The following ATG5 variants were observed in gnomAD, a reference collection of about 807,000 sequenced individuals.
ATG5 encodes autophagy protein 5.
In ATG5, 14 loss-of-function variants were observed where a neutral mutation model predicts 36.5. That is an observed-to-expected ratio of 0.38 (90% CI 0.25 to 0.60). ATG5 has a LOEUF of 0.60. Ranked by LOEUF, ATG5 falls within the 20% of genes least tolerant of loss-of-function variation. The probability of loss-of-function intolerance (pLI) is 0.60; values close to 1 mark genes in which losing one functional copy is unlikely to be tolerated. For synonymous variants in ATG5, 95 were observed against 101.5 expected, an observed-to-expected ratio of 0.94 and a Z score of 0.38; for missense variants, 195 against 326.7, an observed-to-expected ratio of 0.60 and a Z score of 3.11.
intron 4 of ATG5, among the ~76,000 whole-genome samples, chr6:106,292,654 T>G (rs546811256): frequency 1.3e-5 from 2 of 152,318 alleles, no homozygotes; most frequent in East Asian, 3.9e-4. Flanking sequence ...AACTTTAAAT[T>G]TTATTTTTTA....
intron 6 of ATG5, among the ~76,000 whole-genome samples, chr6:106,231,058 G>A (rs1299204950): frequency 1.3e-5 from 2 of 151,838 alleles, no homozygotes; most frequent in African/African-American, 4.8e-5. Context: ...TCCAAAAGGA[G>A]ATAGACAAAG....
chr6:106,193,364 T>G (rs1178825946), intron 7 of ATG5, among the ~76,000 whole-genome samples: 1 of 152,216 alleles, frequency 6.6e-6, no homozygotes, highest in African/African-American at 2.4e-5. Flanking sequence ...ATCTTTATTA[T>G]ATTTTCAGAG....
intron 4 of ATG5, among the ~76,000 whole-genome samples, chr6:106,284,534 T>C (rs78006713): frequency 0.025 from 3,750 of 151,564 alleles, 64 homozygotes; most frequent in African/African-American, 0.05. Context: ...AATATTATTT[T>C]AGTAGAGATG....
chr6:106,321,968 A>C (rs1429187495), intron 1 of ATG5, among the ~76,000 whole-genome samples: 7 of 152,062 alleles, frequency 4.6e-5, no homozygotes, highest in Non-Finnish European at 8.8e-5. Context: ...TTTCTCCCTA[A>C]ACTCCTCTCC....
chr6:106,199,469 T>C (rs990231024), intron 7 of ATG5, among the ~76,000 whole-genome samples: 1 of 152,188 alleles, frequency 6.6e-6, no homozygotes, highest in Non-Finnish European at 1.5e-5. Context: ...CACAAGACTA[T>C]ATGCTGTATG....
At chr6:106,208,049 G>A (rs909947726) in intron 6 of ATG5, among the ~76,000 whole-genome samples, 29 of 152,178 alleles carry the variant, frequency 1.9e-4, no homozygotes, top group Non-Finnish European at 2.1e-4. Context: ...CCGAAATCGC[G>A]CCACTGCACT....
chr6:106,193,114 C>T (rs1483924757), intron 7 of ATG5, among the ~76,000 whole-genome samples: 1 of 152,166 alleles, frequency 6.6e-6, no homozygotes, highest in African/African-American at 2.4e-5. Flanking sequence ...CTTAAGAGCA[C>T]ACTACATGAT....
At chr6:106,201,378 T>C (rs1776424251) in intron 7 of ATG5, among the ~76,000 whole-genome samples, 1 of 152,116 alleles carries the variant, frequency 6.6e-6, no homozygotes. Context: ...TTGGTGTTCT[T>C]TATGTTGTAA....
intron 5 of ATG5, among the ~76,000 whole-genome samples, chr6:106,269,524 G>A (rs906295682): frequency 6.6e-6 from 1 of 152,218 alleles, no homozygotes; most frequent in African/African-American, 2.4e-5. Flanking sequence ...CAGGCATGGC[G>A]GGCTGCAGGT....
At chr6:106,301,674 G>A (rs1770211778) in intron 3 of ATG5, among the ~76,000 whole-genome samples, 1 of 151,936 alleles carries the variant, frequency 6.6e-6, no homozygotes, top group Non-Finnish European at 1.5e-5. Flanking sequence ...ATGCTCAAAG[G>A]AACTGCTGCT....
chr6:106,201,493 T>C (rs1776428730), intron 7 of ATG5, among the ~76,000 whole-genome samples: 3 of 152,202 alleles, frequency 2.0e-5, no homozygotes, highest in African/African-American at 7.2e-5. Context: ...GTCAAGTTTT[T>C]GAACGAACTT....
intron 7 of ATG5, among the ~76,000 whole-genome samples, chr6:106,192,534 GATGTATCTTTAAGGGAAATTC>G (rs1332172229): frequency 2.6e-5 from 4 of 152,096 alleles, no homozygotes; most frequent in African/African-American, 7.2e-5. Flanking sequence ...AGAAATGGAT[GATGTATCTTTAAGGGAAATTC>G]ATACATGTTT....
intron 4 of ATG5, 63 bp downstream of exon 4, chr6:106,292,965 C>A: frequency 7.5e-7 from 1 of 1,333,138 alleles, no homozygotes; most frequent in Non-Finnish European, 1.1e-6. Context: ...AAAGAAAATT[C>A]TACTCGAAGT....
At chr6:106,218,195 A>G (rs1333604053) in intron 6 of ATG5, among the ~76,000 whole-genome samples, 1 of 152,178 alleles carries the variant, frequency 6.6e-6, no homozygotes, top group Non-Finnish European at 1.5e-5. Context: ...CTTATTTTAA[A>G]TCCCTCTTCA....
chr6:106,208,982 T>C (rs1422037331), intron 6 of ATG5, among the ~76,000 whole-genome samples: 3 of 152,180 alleles, frequency 2.0e-5, no homozygotes, highest in Non-Finnish European at 4.4e-5. Flanking sequence ...CAATGTGATA[T>C]CATTACACAC....
intron 3 of ATG5, among the ~76,000 whole-genome samples, chr6:106,297,271 AATTT>A (rs1443595417): frequency 3.9e-5 from 6 of 152,226 alleles, no homozygotes; most frequent in Non-Finnish European, 7.3e-5. Context: ...TATTTACACA[AATTT>A]ATTTGATAGT....
intron 6 of ATG5, among the ~76,000 whole-genome samples, chr6:106,239,423 A>G (rs1582594663): frequency 6.6e-6 from 1 of 152,324 alleles, no homozygotes; most frequent in Middle Eastern, 3.4e-3. Context: ...TTAAATCGAA[A>G]TTTAATGTAT....
chr6:106,203,696 T>TA (rs1221671666), intron 6 of ATG5, among the ~76,000 whole-genome samples: 1 of 152,218 alleles, frequency 6.6e-6, no homozygotes, highest in Non-Finnish European at 1.5e-5. Flanking sequence ...ATCCTCCACC[T>TA]AAGCCTCCAG....
chr6:106,207,431 T>TG (rs2114378082), intron 6 of ATG5, among the ~76,000 whole-genome samples: 1 of 152,296 alleles, frequency 6.6e-6, no homozygotes, highest in African/African-American at 2.4e-5. Context: ...TTGTAAATGG[T>TG]GGCTCATGCC....
Sources: gnomAD v4.1 joint callset for allele counts (sites outside exome capture counted in the v4.1 genomes callset) on GRCh38, gnomAD v4.1.1 for gene constraint, MANE v1.5 for transcripts, NCBI Gene and HGNC (gene_info 2026-07-23, HGNC 2026-07-21) for gene names.